PPP2R2B: variants seen among roughly 807,000 people sequenced by gnomAD.
PPP2R2B encodes protein phosphatase 2 regulatory subunit Bbeta.
Under a neutral mutation model 46.0 loss-of-function variants are expected in PPP2R2B, and 5 were observed. The ratio of observed to expected loss-of-function variants is 0.11; its 90% CI spans 0.06 to 0.23. PPP2R2B has a LOEUF of 0.23. Among genes scored for constraint, PPP2R2B ranks in the 10% least tolerant of loss-of-function variants. The pLI is 1.00. For missense variants in PPP2R2B, 367 were observed against 575.0 expected, an observed-to-expected ratio of 0.64 and a Z score of 3.70; for synonymous variants, 215 against 206.7, an observed-to-expected ratio of 1.04 and a Z score of -0.34.
chr5:146,707,422 G>A, intron 2 of PPP2R2B: 1 of 774,502 alleles, frequency 1.3e-6, no homozygotes, highest in Non-Finnish European at 2.4e-6. Flanking sequence ...TGGGACGGCA[G>A]TGATGCCTCC....
In PPP2R2B at chr5:146,936,635, G is replaced by A. The variant is rs1764151575; in HGVS notation, c.79+119030C>T. Among the ~76,000 whole-genome samples the A allele has an allele frequency of 2.6e-5, 4 of 151,876 alleles. No individual in the cohort carries two copies. In the South Asian group the frequency reaches 6.2e-4, roughly 24 times the overall value. On this transcript the variant is annotated intron_variant, in intron 1 of 8. Coordinates refer to the PPP2R2B transcript ENST00000336640. ...TCTCTGTACAGAGAGATAGTAAGAG[G>A]ACATGCACAAAGCACTAAAGCTCTC...
intron 2 of PPP2R2B, among the ~76,000 whole-genome samples, chr5:146,816,652 A>G (rs921660135): frequency 2.6e-4 from 39 of 152,350 alleles, no homozygotes; most frequent in African/African-American, 9.4e-4. Flanking sequence ...TTGTCCAAAA[A>G]TTACTTCAAT....
chr5:147,053,924 C>T (rs756632865), intron 1 of PPP2R2B, among the ~76,000 whole-genome samples: 37 of 152,138 alleles, frequency 2.4e-4, no homozygotes, highest in Non-Finnish European at 2.2e-4. Flanking sequence ...GCCTCCTCCA[C>T]GATGTTAATG....
At chr5:146,697,494 G>A (rs1325899936) in intron 4 of PPP2R2B, among the ~76,000 whole-genome samples, 2 of 152,204 alleles carry the variant, frequency 1.3e-5, no homozygotes, top group African/African-American at 2.4e-5. Context: ...TTTTGATAAA[G>A]TCCCTATCTC....
At chr5:146,959,771 T>C (rs2151840961) in intron 1 of PPP2R2B, among the ~76,000 whole-genome samples, 1 of 152,266 alleles carries the variant, frequency 6.6e-6, no homozygotes, top group South Asian at 2.1e-4. Flanking sequence ...TGAGTTGTTA[T>C]GCTGATGATG....
rs145982009 is a variant in PPP2R2B, at chr5:146,996,583, G to A, written c.79+59082C>T. On this transcript the variant is annotated intron_variant, in intron 1 of 8. Transcript: ENST00000336640. ...CCATAGAGAATTCTCATGGCTGTAT[G>A]GAAGAATGATTTCAGTAGGGCCAGA... 3.2e-3 allele frequency among the ~76,000 whole-genome samples: 493 copies of A among 152,244 alleles called. 6 individuals are homozygous for A. Among genetic ancestry groups the A allele is most frequent in the African/African-American group, 0.011 (441 of 41,530 alleles).
chr5:146,719,328 T>C (rs1236755649), intron 2 of PPP2R2B, among the ~76,000 whole-genome samples: 3 of 152,330 alleles, frequency 2.0e-5, no homozygotes, highest in African/African-American at 7.2e-5. Context: ...AATGTTAGTA[T>C]AGTATTTTAC....
intron 2 of PPP2R2B, among the ~76,000 whole-genome samples, chr5:146,871,308 G>A (rs954394278): frequency 1.3e-5 from 2 of 152,178 alleles, no homozygotes; most frequent in Admixed American, 6.5e-5. Flanking sequence ...TGTGGCCCAG[G>A]CAACTATATG....
chr5:146,997,218 G>A (rs1753960944), intron 1 of PPP2R2B, among the ~76,000 whole-genome samples: 1 of 152,194 alleles, frequency 6.6e-6, no homozygotes, highest in African/African-American at 2.4e-5. Flanking sequence ...GTTTCATGGA[G>A]CAGCCATGGA....
Position 146,770,122 on chromosome 5 carries a change from A to C in PPP2R2B, c.71-68980T>G, listed in dbSNP as rs573206931. 1.9e-4 allele frequency among the ~76,000 whole-genome samples: 29 copies of C among 152,180 alleles called. No individual in the cohort carries two copies. In the East Asian group the frequency reaches 5.4e-3, roughly 28 times the overall value. Reference sequence around the variant, plus strand: ...GGCAGGCAGATCACTTGAGGTCAGCAGTTCGAGACCAGCCTGGCCAACACT... The same window carrying C: ...GGCAGGCAGATCACTTGAGGTCAGCCGTTCGAGACCAGCCTGGCCAACACT... On this transcript the variant is annotated intron_variant, in intron 2 of 9. Transcript: ENST00000394411.
At chr5:146,694,753 C>T (rs1238393210) in intron 4 of PPP2R2B, among the ~76,000 whole-genome samples, 1 of 151,882 alleles carries the variant, frequency 6.6e-6, no homozygotes, top group African/African-American at 2.4e-5. Context: ...GGTAAAAAAA[C>T]TCCCTTAATT....
intron 1 of PPP2R2B, among the ~76,000 whole-genome samples, chr5:147,038,997 G>T (rs763983153): frequency 4.6e-5 from 7 of 152,080 alleles, no homozygotes; most frequent in East Asian, 1.9e-4. Context: ...ACCATGAAAA[G>T]ATACAGTATT....
intron 1 of PPP2R2B, among the ~76,000 whole-genome samples, chr5:146,957,622 G>A (rs2151839662): frequency 6.6e-6 from 1 of 152,252 alleles, no homozygotes; most frequent in Non-Finnish European, 1.5e-5. Context: ...GGCAGTGGGA[G>A]CAGGTAGAGG....
At chr5:146,820,402 A>C (rs1198146437) in intron 2 of PPP2R2B, among the ~76,000 whole-genome samples, 1 of 152,234 alleles carries the variant, frequency 6.6e-6, no homozygotes, top group Non-Finnish European at 1.5e-5. Flanking sequence ...TGGAGCAGCC[A>C]GTTAAAGAAT....
chr5:146,973,310 C>T (rs1752750354), intron 1 of PPP2R2B, among the ~76,000 whole-genome samples: 1 of 152,206 alleles, frequency 6.6e-6, no homozygotes, highest in Admixed American at 6.5e-5. Context: ...CATGTTCTTT[C>T]CATAGAGACA....
rs73322151 is a variant in PPP2R2B, at chr5:146,801,145, G to A, written c.70+76857C>T. On this transcript the variant is annotated intron_variant, in intron 2 of 9. Coordinates refer to ENST00000394411, the MANE Select transcript of PPP2R2B (RefSeq NM_181675.4). ...TAAAATAGCTAAACATAAAAACAGA[G>A]TAGGATAGCAGTTACCAGGGCCTGA... 2.6e-3 allele frequency among the ~76,000 whole-genome samples: 388 copies of A among 152,084 alleles called. 4 individuals carry two copies. The highest frequency in any genetic ancestry group is 8.9e-3 in the African/African-American group (369 of 41,486).
upstream of PPP2R2B, among the ~76,000 whole-genome samples, chr5:147,057,142 G>C (rs990701484): frequency 2.0e-5 from 3 of 152,180 alleles, no homozygotes; most frequent in African/African-American, 7.2e-5. Context: ...TCATTAGAGT[G>C]CCAGGACAGA....
chr5:147,027,673 GAT>G (rs1170677323), intron 1 of PPP2R2B, among the ~76,000 whole-genome samples: 58 of 151,832 alleles, frequency 3.8e-4, no homozygotes, highest in Non-Finnish European at 2.6e-4. Context: ...TGGCTAAGGA[GAT>G]TCACTCTAAA....
intron 1 of PPP2R2B, among the ~76,000 whole-genome samples, chr5:147,031,196 C>A (rs1755763600): frequency 6.6e-6 from 1 of 151,578 alleles, no homozygotes; most frequent in Non-Finnish European, 1.5e-5. Flanking sequence ...GAGATCACGC[C>A]ATGGCACTCC....
Sources: allele counts gnomAD v4.1 joint callset (sites outside exome capture counted in the v4.1 genomes callset), GRCh38; gene constraint gnomAD v4.1.1; transcripts MANE v1.5; gene names NCBI Gene and HGNC (gene_info 2026-07-23, HGNC 2026-07-21).